HLA-DRB5: variants seen among roughly 807,000 people sequenced by gnomAD.
The protein encoded by HLA-DRB5 is DR beta-5.
In HLA-DRB5, 11 loss-of-function variants were observed where a neutral mutation model predicts 22.4. That is an observed-to-expected ratio of 0.49 (90% CI 0.31 to 0.81). HLA-DRB5 has a LOEUF of 0.81. Among genes scored for constraint, HLA-DRB5 ranks in the 40% least tolerant of loss-of-function variants. HLA-DRB5 has a pLI of 0.05. For synonymous variants in HLA-DRB5, 57 were observed against 106.0 expected (o/e 0.54, Z 2.84); for missense variants, 106 against 274.4 (o/e 0.39, Z 4.34).
chr6:32,519,656 G>T lies in HLA-DRB5; in HGVS notation c.371-5C>A, dbSNP rs199571298. ...ACACAGTCACCTTAGGCTCAACTAG[G>T]AGAAAGGAAATGTAGAGGGAATGAC... On this transcript the variant is annotated splice_polypyrimidine_tract_variant and splice_region_variant and intron_variant, in intron 2 of 5. Transcript: ENST00000374975. The T allele has an allele frequency of 1.3e-5, 8 of 597,458 alleles. No homozygotes were observed. In the East Asian group the frequency reaches 1.7e-4, roughly 13 times the overall value. 37.0% of individuals were successfully genotyped at this position (597,458 alleles called of 1,614,324 possible). A position where few individuals can be genotyped will look rare whatever the true frequency, so the allele number is the denominator to read the frequency against.
intron 2 of HLA-DRB5, among the ~76,000 whole-genome samples, chr6:32,521,543 T>C: frequency 8.2e-6 from 1 of 122,158 alleles, no homozygotes; most frequent in Non-Finnish European, 1.7e-5. Flanking sequence ...CACCTTACAC[T>C]TTCCTTCCCT....
intron 2 of HLA-DRB5, among the ~76,000 whole-genome samples, chr6:32,520,747 A>G (rs879885813): frequency 0.021 from 1,274 of 61,504 alleles, 42 homozygotes; most frequent in Admixed American, 0.033. Flanking sequence ...GATGGTTTGT[A>G]AACCATTAAT....
chr6:32,524,283 AACC>A (rs1408848944), intron 1 of HLA-DRB5, among the ~76,000 whole-genome samples: 6,066 of 55,748 alleles, frequency 0.11, no homozygotes, highest in Admixed American at 0.16. Flanking sequence ...TTGCATTACC[AACC>A]AGTCACCAAA....
intron 2 of HLA-DRB5, among the ~76,000 whole-genome samples, chr6:32,520,569 T>C: frequency 1.7e-5 from 1 of 58,180 alleles, no homozygotes; most frequent in Admixed American, 2.0e-4. Context: ...AAATAATTTT[T>C]CTTTCCAGAA....
At chr6:32,519,109 G>C (rs796773362) in intron 3 of HLA-DRB5, among the ~76,000 whole-genome samples, 28,614 of 83,808 alleles carry the variant, frequency 0.34, 2,942 homozygotes, top group Admixed American at 0.4. Context: ...CCTGGGAGAG[G>C]GGGTGACCCT....
chr6:32,524,585 A>ACTGTAAGCAAGACCTGCGGAAATCTCC (rs1207964663), intron 1 of HLA-DRB5, among the ~76,000 whole-genome samples: 23 of 38,958 alleles, frequency 5.9e-4, no homozygotes, highest in South Asian at 2.0e-3. Context: ...AGGTCCCCAG[A>ACTGTAAGCAAGACCTGCGGAAATCTCC]CTTTGTGTAG....
intron 2 of HLA-DRB5, among the ~76,000 whole-genome samples, chr6:32,521,176 G>C (rs112916088): frequency 0.096 from 4,095 of 42,688 alleles, 313 homozygotes; most frequent in Non-Finnish European, 0.11. Context: ...AAGAATAATA[G>C]GTAAGTAGTA....
intron 1 of HLA-DRB5, among the ~76,000 whole-genome samples, chr6:32,529,629 G>A (rs200755089): frequency 0.11 from 7,781 of 69,056 alleles, 712 homozygotes; most frequent in Middle Eastern, 0.26. Context: ...AAGAAAGGAG[G>A]TAATGGGGAG....
intron 1 of HLA-DRB5, among the ~76,000 whole-genome samples, chr6:32,529,700 G>A (rs796376785): frequency 0.16 from 10,453 of 66,642 alleles, 442 homozygotes; most frequent in Middle Eastern, 0.23. Context: ...TCTGTCAAGG[G>A]CATAACACAG....
intron 1 of HLA-DRB5, among the ~76,000 whole-genome samples, chr6:32,523,747 C>T (rs114996015): frequency 0.37 from 30,970 of 83,738 alleles, 3,574 homozygotes; most frequent in Middle Eastern, 0.46. Context: ...TCTACTTTTG[C>T]ATAATGAAGC....
At chr6:32,523,537 A>C (rs116562604) in intron 1 of HLA-DRB5, among the ~76,000 whole-genome samples, 10 of 40,356 alleles carry the variant, frequency 2.5e-4, no homozygotes, top group Non-Finnish European at 3.1e-4. Context: ...AATCTCAGGC[A>C]TGTTAGTGAA....
intron 4 of HLA-DRB5, 74 bp downstream of exon 4, chr6:32,518,481 GA>G: frequency 2.2e-6 from 1 of 461,160 alleles, no homozygotes; most frequent in Non-Finnish European, 3.6e-6. Flanking sequence ...CATATACTGA[GA>G]ACTAACCTCA....
At chr6:32,521,811 T>TCTCACACA (rs879229020) in intron 2 of HLA-DRB5, 94 bp downstream of exon 2, 19 of 249,372 alleles carry the variant, frequency 7.6e-5, no homozygotes, top group South Asian at 3.9e-4. Flanking sequence ...CCTCTCTCTC[T>TCTCACACA]CACACACACA....
At position 32,520,976 on chromosome 6, in the gene HLA-DRB5, C is replaced by A. The variant is rs184155429; in HGVS notation, c.370+929G>T. Among the ~76,000 whole-genome samples the A allele has an allele frequency of 7.9e-3, 242 of 30,560 alleles. 1 individual carries two copies. Among genetic ancestry groups the A allele is most frequent in the East Asian group, 0.014 (16 of 1,142 alleles). The allele number at this position is 30,560 out of a possible 152,430, so 20.0% of individuals were successfully genotyped here. On this transcript the variant is annotated intron_variant, in intron 2 of 5. Coordinates refer to ENST00000374975, the MANE Select transcript of HLA-DRB5 (RefSeq NM_002125.4). ...ATCATTGTCCATTACCTACCAAATA[C>A]AATAGGGAATTCTTAGAGCAGTAAT...
chr6:32,522,344 G>A (rs1302691965), intron 1 of HLA-DRB5, among the ~76,000 whole-genome samples, 170 bp from the exon 2 acceptor site: 50 of 41,442 alleles, frequency 1.2e-3, no homozygotes, highest in South Asian at 2.6e-3. Flanking sequence ...GTCTTCCTGA[G>A]GCGAACGGGG....
chr6:32,525,085 C>T (rs75813865), intron 1 of HLA-DRB5, among the ~76,000 whole-genome samples: 11,491 of 47,538 alleles, frequency 0.24, 4,451 homozygotes, highest in African/African-American at 0.3. Flanking sequence ...TGCATCTCTG[C>T]CCCCACTCTA....
At position 32,522,575 on chromosome 6, in the gene HLA-DRB5, T is replaced by C; in HGVS notation, c.101-401A>G. ...TACCCGTTCCCTAACTCCCACCGCG[T>C]TCATCCTGTGAACACTCCTTTAGTG... On this transcript the variant is annotated intron_variant, in intron 1 of 5. Transcript: ENST00000374975. Among the ~76,000 whole-genome samples, 2 of 37,896 alleles carry C rather than the reference T, an allele frequency of 5.3e-5. 1 individual carries two copies. 24.9% of individuals were successfully genotyped at this position (37,896 alleles called of 152,430 possible).
In HLA-DRB5 at chr6:32,525,288, A is replaced by AATAGC. The variant is rs1404063288; in HGVS notation, c.101-3115_101-3114insGCTAT. On this transcript the variant is annotated intron_variant, in intron 1 of 5. Coordinates refer to ENST00000374975, the MANE Select transcript of HLA-DRB5 (RefSeq NM_002125.4). ...TTGTAATCTATCAAATGCATTTTAT[A>AATAGC]ATAATCCTCACAGGATTTTTGTAAG... Among the ~76,000 whole-genome samples the AATAGC allele has an allele frequency of 6.5e-4, 21 of 32,158 alleles. 4 individuals are homozygous for AATAGC. The highest frequency in any genetic ancestry group is 8.3e-4 in the Non-Finnish European group (13 of 15,732). 21.1% of individuals were successfully genotyped at this position (32,158 alleles called of 152,430 possible).
At chr6:32,529,098 G>C (rs545138071) in intron 1 of HLA-DRB5, among the ~76,000 whole-genome samples, 2,731 of 133,658 alleles carry the variant, frequency 0.02, no homozygotes, top group Non-Finnish European at 0.023. Flanking sequence ...GGAAAGCTGA[G>C]GGCATGACGG....
Sources: gnomAD v4.1 joint callset for allele counts (sites outside exome capture counted in the v4.1 genomes callset) on GRCh38, gnomAD v4.1.1 for gene constraint, MANE v1.5 for transcripts, NCBI Gene and HGNC (gene_info 2026-07-23, HGNC 2026-07-21) for gene names.